Variants in MAOA observed in about 807,000 individuals in gnomAD.
MAOA encodes monoamine oxidase A.
Under a neutral mutation model 42.0 loss-of-function variants are expected in MAOA, and 6 were observed. That is an observed-to-expected ratio of 0.14 (90% CI 0.08 to 0.28). MAOA has a LOEUF of 0.28. Among genes scored for constraint, MAOA ranks in the 10% least tolerant of loss-of-function variants. The pLI is 1.00. For synonymous variants in MAOA, 140 were observed against 154.0 expected, an observed-to-expected ratio of 0.91 and a Z score of 0.67; for missense variants, 262 against 422.3, an observed-to-expected ratio of 0.62 and a Z score of 3.33.
chrX:43,731,482 T>G lies in MAOA; in HGVS notation c.795+92T>G, dbSNP rs766980392. ...GATATAATTCAAGCAGTAGCATAAT[T>G]AATGCTGACATGTTTCCGCCTCAGT... is the stretch of plus-strand genomic sequence containing the variant. On this transcript the variant is annotated intron_variant, in intron 7 of 14. Transcript: ENST00000338702. 1.1e-5 allele frequency: 11 copies of G among 1,003,026 alleles called. No homozygotes were observed. In the African/African-American group the frequency reaches 1.5e-4, roughly 14 times the overall value. The allele number at this position is 1,003,026 out of a possible 1,213,427, so 82.7% of individuals were successfully genotyped here.
intron 10 of MAOA, among the ~76,000 whole-genome samples, chrX:43,737,975 A>C (rs2033932744): frequency 8.9e-6 from 1 of 112,066 alleles, no homozygotes; most frequent in African/African-American, 3.2e-5. Context: ...TGTAAGGCAA[A>C]ACCCTTACTA....
chrX:43,738,156 C>T (rs2033934000), intron 10 of MAOA, among the ~76,000 whole-genome samples: 1 of 112,201 alleles, frequency 8.9e-6, no homozygotes, highest in African/African-American at 3.2e-5. Context: ...TTATGATAAG[C>T]AACCAGATTT....
rs753021816 is a variant in MAOA at position 43,666,563 on chromosome X, T to A, written c.73+10149T>A. 7.0e-4 allele frequency among the ~76,000 whole-genome samples: 78 copies of A among 111,495 alleles called. 1 individual carries two copies. In the Admixed American group the frequency reaches 7.3e-3, roughly 10 times the overall value. On this transcript the variant is annotated intron_variant, in intron 1 of 14. Transcript: ENST00000338702. ...GCCACCATGATCTCTTGGCCAGAGATCTGCCTCTTTACTAGTCTCTGTACT... is the reference window on the plus strand; with the variant it reads ...GCCACCATGATCTCTTGGCCAGAGAACTGCCTCTTTACTAGTCTCTGTACT...
chrX:43,690,547 A>G (rs1471009536), intron 2 of MAOA, among the ~76,000 whole-genome samples: 1 of 110,810 alleles, frequency 9.0e-6, no homozygotes, highest in Non-Finnish European at 1.9e-5. Context: ...CCTTGTTTGC[A>G]TGTATGTTTT....
At chrX:43,688,540 C>T (rs1285975707) in intron 2 of MAOA, among the ~76,000 whole-genome samples, 5 of 112,127 alleles carry the variant, frequency 4.5e-5, no homozygotes, top group Non-Finnish European at 9.4e-5. Context: ...AGTTATTTTT[C>T]GTCATCACTG....
At chrX:43,661,522 G>A (rs1233956081) in intron 1 of MAOA, among the ~76,000 whole-genome samples, 1 of 111,001 alleles carries the variant, frequency 9.0e-6, no homozygotes, top group Non-Finnish European at 1.9e-5. Flanking sequence ...CAGTCATGAG[G>A]GTATAAGCCA....
chrX:43,665,235 A>G (rs1367441963), intron 1 of MAOA, among the ~76,000 whole-genome samples: 5 of 111,558 alleles, frequency 4.5e-5, no homozygotes, highest in Admixed American at 3.8e-4. Context: ...TCAGGTATAC[A>G]TTTTTTTAAA....
upstream of MAOA, chrX:43,656,099 T>A: frequency 1.6e-5 from 7 of 425,429 alleles, no homozygotes; most frequent in Non-Finnish European, 2.9e-5. Context: ...AGTACAAGGG[T>A]CCGCCCCGCT....
chrX:43,657,569 C>T (rs759590895), intron 1 of MAOA, among the ~76,000 whole-genome samples: 5 of 110,621 alleles, frequency 4.5e-5, no homozygotes, highest in Non-Finnish European at 9.4e-5. Context: ...GATATATTGT[C>T]GCCTATGTTG....
In MAOA at chrX:43,699,061, G is replaced by T. The variant is rs7887158; in HGVS notation, c.306+5633G>T. ...AGAGGCTGAGGCAGGAGGATTGCTT[G>T]AGCCCAGGAGTTTGAAACTAGCCCG... On this transcript the variant is annotated intron_variant, in intron 3 of 14. Coordinates refer to ENST00000338702, the MANE Select transcript of MAOA (RefSeq NM_000240.4). Among the ~76,000 whole-genome samples, 762 of 111,150 alleles carry T rather than the reference G, an allele frequency of 6.9e-3. 4 individuals carry two copies. Among genetic ancestry groups the T allele is most frequent in the African/African-American group, 0.024 (725 of 30,615 alleles).
At chrX:43,699,507 G>A (rs1361969421) in intron 3 of MAOA, among the ~76,000 whole-genome samples, 3 of 110,948 alleles carry the variant, frequency 2.7e-5, no homozygotes, top group African/African-American at 6.6e-5. Flanking sequence ...GCATTCTCAC[G>A]TTCTTCCTGC....
chrX:43,665,005 A>G (rs2033263875), intron 1 of MAOA, among the ~76,000 whole-genome samples: 1 of 111,632 alleles, frequency 9.0e-6, no homozygotes, highest in Non-Finnish European at 1.9e-5. Context: ...TGCAATTCCT[A>G]GGTGATGATG....
intron 1 of MAOA, among the ~76,000 whole-genome samples, chrX:43,658,997 A>T (rs1226233353): frequency 2.7e-5 from 3 of 111,346 alleles, no homozygotes; most frequent in Non-Finnish European, 5.7e-5. Context: ...TATAACTTTT[A>T]TTAGGACTTG....
chrX:43,660,985 T>C (rs2033229074), intron 1 of MAOA, among the ~76,000 whole-genome samples: 3 of 112,078 alleles, frequency 2.7e-5, no homozygotes. Flanking sequence ...GGAATTTGAG[T>C]CTTTGGGTCA....
intron 1 of MAOA, among the ~76,000 whole-genome samples, chrX:43,659,481 T>C (rs1447464860): frequency 9.0e-6 from 1 of 111,690 alleles, no homozygotes; most frequent in Admixed American, 9.6e-5. Flanking sequence ...ATCCCTTTCA[T>C]TGTGCTCATA....
In MAOA at chrX:43,736,198, T is replaced by C. The variant is rs1202713944; in HGVS notation, c.1053-29T>C. The C allele has an allele frequency of 5.3e-6, 6 of 1,125,541 alleles. No homozygotes were observed. The Admixed American group carries it at 1.3e-4, about 25-fold the overall frequency. 92.8% of individuals were successfully genotyped at this position (1,125,541 alleles called of 1,213,427 possible). Reference sequence around the variant, plus strand: ...GCTCTTAAAATAAACAGCTGTAACCTGATCATTCAATGTAACCTCTCTCTC... The same window carrying C: ...GCTCTTAAAATAAACAGCTGTAACCCGATCATTCAATGTAACCTCTCTCTC... On this transcript the variant is annotated intron_variant, in intron 9 of 14. Coordinates refer to ENST00000338702, the MANE Select transcript of MAOA (RefSeq NM_000240.4).
At chrX:43,683,486 C>T (rs886647722) in intron 1 of MAOA, 27 bp from the exon 2 acceptor site, 11 of 1,088,992 alleles carry the variant, frequency 1.0e-5, no homozygotes, top group South Asian at 7.4e-5. Context: ...TTGAATGTTA[C>T]GTTGCTCTTT....
chrX:43,713,154 TA>T lies in MAOA; in HGVS notation c.503+364del, dbSNP rs779306517. On this transcript the variant is annotated intron_variant, in intron 5 of 14. Coordinates refer to ENST00000338702, the MANE Select transcript of MAOA (RefSeq NM_000240.4). Reference sequence around the variant, plus strand: ...TACACCATGGAATACTATGCAGCCATAAAAAAGAATGAAATCATGTCCTTTT... The same window carrying T: ...TACACCATGGAATACTATGCAGCCATAAAAAGAATGAAATCATGTCCTTTT... Among the ~76,000 whole-genome samples, 8 of 112,243 alleles carry T rather than the reference TA, an allele frequency of 7.1e-5. No homozygotes were observed. The East Asian group carries it at 2.0e-3, about 27-fold the overall frequency.
chrX:43,741,694 T>G (rs1200303225), intron 11 of MAOA, among the ~76,000 whole-genome samples: 1 of 111,308 alleles, frequency 9.0e-6, no homozygotes, highest in Non-Finnish European at 1.9e-5. Flanking sequence ...TGGATACCCC[T>G]CTCTCCCAGA....
Sources: allele counts gnomAD v4.1 joint callset (sites outside exome capture counted in the v4.1 genomes callset), GRCh38; gene constraint gnomAD v4.1.1; transcripts MANE v1.5; gene names NCBI Gene and HGNC (gene_info 2026-07-23, HGNC 2026-07-21).